Variants in RIT2 observed in about 807,000 individuals in gnomAD.
The protein encoded by RIT2 is Ras like without CAAX 2, also known as GTP-binding protein Rit2.
RIT2 carries 24 observed loss-of-function variants against 23.7 expected under a neutral mutation model. That is an observed-to-expected ratio of 1.01 (90% confidence interval 0.73 to 1.43). RIT2 has a LOEUF of 1.43. Ranked by LOEUF, RIT2 falls within the 40% of genes most tolerant of loss-of-function variation. The pLI is 0.00. For missense variants in RIT2, 236 were observed against 266.9 expected (o/e 0.88, Z 0.81); for synonymous variants, 107 against 91.1 (o/e 1.17, Z -0.99).
intron 1 of RIT2, among the ~76,000 whole-genome samples, chr18:43,086,564 C>T (rs1381679874): frequency 6.6e-6 from 1 of 152,084 alleles, no homozygotes; most frequent in African/African-American, 2.4e-5. Context: ...GCTGTGTATG[C>T]CCCACTGCGG....
At chr18:42,895,253 C>T (rs1471535487) in intron 4 of RIT2, among the ~76,000 whole-genome samples, 2 of 151,940 alleles carry the variant, frequency 1.3e-5, no homozygotes, top group African/African-American at 4.8e-5. Flanking sequence ...TCAATTATAA[C>T]CTTTGCACAG....
chr18:42,958,669 G>T (rs181678967), intron 3 of RIT2, among the ~76,000 whole-genome samples: 246 of 152,202 alleles, frequency 1.6e-3, no homozygotes, highest in African/African-American at 5.4e-3. Flanking sequence ...GTCCAGACCA[G>T]CGATACTGCC....
intron 1 of RIT2, among the ~76,000 whole-genome samples, chr18:43,048,064 T>C (rs1290485760): frequency 1.3e-5 from 2 of 152,078 alleles, no homozygotes; most frequent in African/African-American, 4.8e-5. Flanking sequence ...TCACTAAAGG[T>C]ACAAAGAAGG....
chr18:43,115,573 G>A lies in RIT2; in HGVS notation c.-54C>T. ...AAGGAGAAAGTCACCCGTGTCAGGT[G>A]CTTGCTCGAATATTAAGCAACTCTA... On this transcript the variant is annotated 5_prime_UTR_variant, in exon 1 of 5. Coordinates refer to ENST00000326695, the MANE Select transcript of RIT2 (RefSeq NM_002930.4). The A allele has an allele frequency of 6.3e-7, 1 of 1,583,306 alleles. No individual in the cohort carries two copies. Among genetic ancestry groups the A allele is most frequent in the Non-Finnish European group, 8.5e-7 (1 of 1,169,866 alleles).
At chr18:43,067,078 G>A (rs1912787430) in intron 1 of RIT2, among the ~76,000 whole-genome samples, 1 of 151,956 alleles carries the variant, frequency 6.6e-6, no homozygotes, top group South Asian at 2.1e-4. Context: ...AAGAAGACTA[G>A]TGTAATATTA....
At chr18:42,926,231 T>G (rs953612723) in intron 3 of RIT2, among the ~76,000 whole-genome samples, 1 of 152,060 alleles carries the variant, frequency 6.6e-6, no homozygotes, top group African/African-American at 2.4e-5. Context: ...TCTCCTCATT[T>G]TCAACAATGC....
At chr18:43,007,951 T>C (rs1431121471) in intron 2 of RIT2, among the ~76,000 whole-genome samples, 1 of 151,616 alleles carries the variant, frequency 6.6e-6, no homozygotes, top group African/African-American at 2.4e-5. Context: ...TTGCAATTCT[T>C]TATGAATTAA....
At chr18:43,030,352 T>C (rs1911825481) in intron 2 of RIT2, among the ~76,000 whole-genome samples, 1 of 151,912 alleles carries the variant, frequency 6.6e-6, no homozygotes, top group Non-Finnish European at 1.5e-5. Flanking sequence ...CTGGGTAAAA[T>C]ATGGATGAAA....
intron 1 of RIT2, among the ~76,000 whole-genome samples, chr18:43,059,269 A>T (rs1211567623): frequency 6.6e-6 from 1 of 152,110 alleles, no homozygotes; most frequent in African/African-American, 2.4e-5. Context: ...ATAATTATTT[A>T]TCTGTTTTAT....
At chr18:42,932,661 T>G (rs1447639548) in intron 3 of RIT2, among the ~76,000 whole-genome samples, 1 of 149,846 alleles carries the variant, frequency 6.7e-6, no homozygotes, top group African/African-American at 2.4e-5. Flanking sequence ...GATTATCAAA[T>G]TTTTTTTTTG....
At chr18:43,015,153 A>G (rs1042299507) in intron 2 of RIT2, among the ~76,000 whole-genome samples, 1 of 151,776 alleles carries the variant, frequency 6.6e-6, no homozygotes, top group Non-Finnish European at 1.5e-5. Context: ...TAGTAGTTAT[A>G]TGAGTGGTTA....
intron 2 of RIT2, among the ~76,000 whole-genome samples, chr18:43,020,094 T>C (rs1911561384): frequency 1.3e-5 from 2 of 152,176 alleles, no homozygotes; most frequent in South Asian, 2.1e-4. Flanking sequence ...ATTAATACTG[T>C]TAAAATGGAC....
intron 1 of RIT2, among the ~76,000 whole-genome samples, chr18:43,076,890 T>G (rs954259273): frequency 2.6e-4 from 39 of 151,278 alleles, no homozygotes; most frequent in African/African-American, 9.5e-4. Flanking sequence ...GATCACGAGG[T>G]CAGGAGATCG....
chr18:42,861,166 A>C (rs1005674990), intron 4 of RIT2, among the ~76,000 whole-genome samples: 5 of 152,240 alleles, frequency 3.3e-5, no homozygotes, highest in Non-Finnish European at 7.3e-5. Context: ...TAGCTTAAAT[A>C]GACTATTTAG....
rs371788691 is a variant in RIT2, at chr18:42,961,673, T to C, written c.234+12401A>G. Among the ~76,000 whole-genome samples, 29 of 152,320 alleles carry C rather than the reference T, an allele frequency of 1.9e-4. No homozygotes were observed. The East Asian group carries it at 5.0e-3, about 26-fold the overall frequency. Reference sequence around the variant, plus strand: ...GACCCCTATTAATGAGTTGACTTCATAGTTAAATTTTATAATCATATCCCT... The same window carrying C: ...GACCCCTATTAATGAGTTGACTTCACAGTTAAATTTTATAATCATATCCCT... On this transcript the variant is annotated intron_variant, in intron 3 of 4. Coordinates refer to ENST00000326695, the MANE Select transcript of RIT2 (RefSeq NM_002930.4).
intron 4 of RIT2, among the ~76,000 whole-genome samples, chr18:42,872,020 G>A (rs935671714): frequency 6.6e-6 from 1 of 152,146 alleles, no homozygotes; most frequent in African/African-American, 2.4e-5. Context: ...AAACTGGGGA[G>A]GAAAGTGAAT....
At chr18:42,786,279 T>A (rs1913920917) in intron 4 of RIT2, among the ~76,000 whole-genome samples, 1 of 152,186 alleles carries the variant, frequency 6.6e-6, no homozygotes, top group African/African-American at 2.4e-5. Flanking sequence ...GGGGTCTGAA[T>A]TTATTCTAGA....
At chr18:42,951,622 A>G (rs1320249103) in intron 3 of RIT2, among the ~76,000 whole-genome samples, 1 of 152,054 alleles carries the variant, frequency 6.6e-6, no homozygotes, top group Non-Finnish European at 1.5e-5. Context: ...TAAACATTAT[A>G]TGATCCAGTA....
At chr18:42,982,566 A>G (rs1910621093) in intron 2 of RIT2, among the ~76,000 whole-genome samples, 1 of 152,184 alleles carries the variant, frequency 6.6e-6, no homozygotes, top group Non-Finnish European at 1.5e-5. Context: ...AAATAAAACA[A>G]GGTAATAGCT....
Sources: gnomAD v4.1 joint callset for allele counts (sites outside exome capture counted in the v4.1 genomes callset) on GRCh38, gnomAD v4.1.1 for gene constraint, MANE v1.5 for transcripts, NCBI Gene and HGNC (gene_info 2026-07-23, HGNC 2026-07-21) for gene names.